The following GRIK1 variants were observed in gnomAD, a reference collection of about 807,000 sequenced individuals.
GRIK1 encodes glutamate receptor ionotropic, kainate 1.
GRIK1 carries 69 observed loss-of-function variants against 105.7 expected under a neutral mutation model. The observed-to-expected ratio is 0.65, with a 90% CI of 0.54 to 0.80. The LOEUF (loss-of-function observed/expected upper bound fraction) is 0.80, where lower values mean the gene tolerates loss of function less well. GRIK1 is among the 30% of genes least tolerant of loss of function. The pLI is 0.00. For missense variants in GRIK1, 1,109 were observed against 1,167.3 expected, an observed-to-expected ratio of 0.95 and a Z score of 0.73; for synonymous variants, 438 against 431.3, an observed-to-expected ratio of 1.02 and a Z score of -0.19.
At chr21:29,707,675 A>G (rs551371985) in intron 1 of GRIK1, among the ~76,000 whole-genome samples, 27 of 151,812 alleles carry the variant, frequency 1.8e-4, no homozygotes, top group African/African-American at 6.3e-4. Flanking sequence ...TTGTATTTTT[A>G]GTAGAGACAG....
chr21:29,857,331 T>C (rs528195480), intron 1 of GRIK1, among the ~76,000 whole-genome samples: 28 of 152,348 alleles, frequency 1.8e-4, no homozygotes, highest in African/African-American at 6.5e-4. Context: ...TTCTTTCCCA[T>C]GATTTCACAC....
chr21:29,706,337 G>A (rs982332440), intron 1 of GRIK1, among the ~76,000 whole-genome samples: 2 of 152,196 alleles, frequency 1.3e-5, no homozygotes, highest in Admixed American at 6.5e-5. Flanking sequence ...CAACAGTGCT[G>A]TAGAACATCT....
chr21:29,673,575 G>A (rs907066910), intron 3 of GRIK1, among the ~76,000 whole-genome samples: 2 of 152,100 alleles, frequency 1.3e-5, no homozygotes, highest in Non-Finnish European at 1.5e-5. Context: ...ATTTGTCTAG[G>A]CTATAAACTT....
At chr21:29,781,754 TC>T (rs2066113496) in intron 1 of GRIK1, among the ~76,000 whole-genome samples, 2 of 122,080 alleles carry the variant, frequency 1.6e-5, no homozygotes, top group African/African-American at 5.6e-5. Context: ...CACTGCAAGC[TC>T]CGCTTCCCGG....
intron 1 of GRIK1, among the ~76,000 whole-genome samples, chr21:29,797,607 C>T (rs183991695): frequency 5.6e-4 from 85 of 152,212 alleles, no homozygotes; most frequent in Middle Eastern, 6.8e-3. Context: ...TAATCTATGA[C>T]ATATATGTAA....
intron 1 of GRIK1, among the ~76,000 whole-genome samples, chr21:29,846,249 C>CAT (rs1387249527): frequency 0.027 from 3 of 110 alleles, no homozygotes; most frequent in Non-Finnish European, 0.052. Context: ...ATTAGCCGGG[C>CAT]GCGTGGCGCA....
chr21:29,560,279 TTTTCTTTCTTTCTTTCTTTCTTTCTTTC>T lies in GRIK1; in HGVS notation c.2356+1317_2356+1344del, dbSNP rs56295343. ...TATACCAGGACCTTATATGATACAG[TTTTCTTTCTTTCTTTCTTTCTTTCTTTC>T]TTTCTTTCTTTCTTTCTTTCTTTCT... On this transcript the variant is annotated intron_variant, in intron 15 of 17. Coordinates refer to ENST00000327783, the MANE Select transcript of GRIK1 (RefSeq NM_001330994.2). Among the ~76,000 whole-genome samples the T allele has an allele frequency of 3.2e-3, 223 of 69,946 alleles. 3 individuals carry two copies. Among genetic ancestry groups the T allele is most frequent in the Non-Finnish European group, 4.7e-3 (150 of 32,046 alleles). 45.9% of individuals were successfully genotyped at this position (69,946 alleles called of 152,430 possible). A position where few individuals can be genotyped will look rare whatever the true frequency, so the allele number is the denominator to read the frequency against.
rs116940610 is a variant in GRIK1, at chr21:29,635,596, C to T, written c.1098+7230G>A. 4.4e-4 allele frequency among the ~76,000 whole-genome samples: 67 copies of T among 152,224 alleles called. No individual in the cohort carries two copies. In the East Asian group the frequency reaches 0.011, roughly 25 times the overall value. ...GGACTACAGACTGTGATGTGACTCC[C>T]GAGTGACAAAAGAGTGCTAACCAGA... On this transcript the variant is annotated intron_variant, in intron 7 of 17. Coordinates refer to ENST00000327783, the MANE Select transcript of GRIK1 (RefSeq NM_001330994.2).
intron 1 of GRIK1, among the ~76,000 whole-genome samples, chr21:29,848,463 A>G (rs2068196339): frequency 6.6e-6 from 1 of 152,116 alleles, no homozygotes; most frequent in African/African-American, 2.4e-5. Flanking sequence ...CTTGATGCTT[A>G]TTAGAGTCTA....
At chr21:29,587,620 A>G in intron 11 of GRIK1, 31 bp from the exon 12 acceptor site, 1 of 1,343,254 alleles carries the variant, frequency 7.4e-7, no homozygotes, top group African/African-American at 1.4e-5. Flanking sequence ...TTGTCAGCTT[A>G]GTCTAGTTTC....
At chr21:29,858,400 C>G (rs1340223869) in intron 1 of GRIK1, among the ~76,000 whole-genome samples, 1 of 152,102 alleles carries the variant, frequency 6.6e-6, no homozygotes, top group Non-Finnish European at 1.5e-5. Flanking sequence ...TCAGGGGCTC[C>G]CAGTGTCTCC....
intron 3 of GRIK1, among the ~76,000 whole-genome samples, chr21:29,673,622 C>A (rs1041571648): frequency 1.3e-5 from 2 of 152,144 alleles, no homozygotes; most frequent in Non-Finnish European, 2.9e-5. Flanking sequence ...ATATAACATA[C>A]CCTTAACCAG....
chr21:29,812,857 T>TG (rs2067048062), intron 1 of GRIK1, among the ~76,000 whole-genome samples: 1 of 152,190 alleles, frequency 6.6e-6, no homozygotes, highest in Admixed American at 6.6e-5. Flanking sequence ...GGGCAATATT[T>TG]CGGTTGATGC....
chr21:29,755,309 T>C (rs1601608833), intron 1 of GRIK1, among the ~76,000 whole-genome samples: 1 of 152,184 alleles, frequency 6.6e-6, no homozygotes, highest in Non-Finnish European at 1.5e-5. Context: ...ATAAGGCAGA[T>C]TAATTGCCCT....
At chr21:29,564,431 G>A (rs1469594323) in intron 14 of GRIK1, among the ~76,000 whole-genome samples, 1 of 152,236 alleles carries the variant, frequency 6.6e-6, no homozygotes, top group Non-Finnish European at 1.5e-5. Context: ...ACAGGCGTGA[G>A]CCACCGCGCC....
chr21:29,748,447 TAA>T (rs1362113708), intron 1 of GRIK1: 5 of 152,290 alleles, frequency 3.3e-5, no homozygotes, highest in African/African-American at 1.2e-4. Context: ...TAAGAGAAGA[TAA>T]GAGTCAAAGT....
intron 1 of GRIK1, among the ~76,000 whole-genome samples, chr21:29,853,588 GC>G (rs1310055155): frequency 1.3e-5 from 2 of 152,270 alleles, no homozygotes; most frequent in East Asian, 3.9e-4. Flanking sequence ...CCCCAATCTA[GC>G]TTTTTGGAGA....
intron 7 of GRIK1, among the ~76,000 whole-genome samples, chr21:29,622,909 C>T (rs1254695151): frequency 6.6e-6 from 1 of 152,080 alleles, no homozygotes; most frequent in East Asian, 1.9e-4. Flanking sequence ...TTTGCTGTTT[C>T]TTTGTCTATT....
chr21:29,554,548 T>C (rs1738949087), intron 16 of GRIK1, among the ~76,000 whole-genome samples: 1 of 152,202 alleles, frequency 6.6e-6, no homozygotes, highest in South Asian at 2.1e-4. Context: ...AAAAAAAATT[T>C]GAGGTGATAT....
Sources: gnomAD v4.1 joint callset for allele counts (sites outside exome capture counted in the v4.1 genomes callset) on GRCh38, gnomAD v4.1.1 for gene constraint, MANE v1.5 for transcripts, NCBI Gene and HGNC (gene_info 2026-07-23, HGNC 2026-07-21) for gene names.